ADAMTSL1: variants seen among roughly 807,000 people sequenced by gnomAD.
ADAMTSL1 encodes the protein ADAMTS like 1, also known as ADAMTS-like protein 1.
ADAMTSL1 carries 126 observed loss-of-function variants against 201.8 expected under a neutral mutation model. That is an observed-to-expected ratio of 0.62 (90% confidence interval 0.54 to 0.72). ADAMTSL1 has a LOEUF of 0.72. Among genes scored for constraint, ADAMTSL1 ranks in the 30% least tolerant of loss-of-function variants. The pLI is 0.00. For missense variants in ADAMTSL1, 2,679 were observed against 2,277.8 expected, an observed-to-expected ratio of 1.18 and a Z score of -3.59; for synonymous variants, 1,121 against 903.4, an observed-to-expected ratio of 1.24 and a Z score of -4.32.
At chr9:18,821,585 G>C (rs1244284351) in intron 21 of ADAMTSL1, among the ~76,000 whole-genome samples, 1 of 152,208 alleles carries the variant, frequency 6.6e-6, no homozygotes, top group Admixed American at 6.5e-5. Context: ...AACTGGTTTT[G>C]TGAACAGCTA....
intron 16 of ADAMTSL1, among the ~76,000 whole-genome samples, chr9:18,767,811 G>A (rs930480881): frequency 3.3e-5 from 5 of 152,208 alleles, no homozygotes; most frequent in Non-Finnish European, 7.3e-5. Context: ...AGAGCCCACA[G>A]AGTCACTGAA....
chr9:18,145,941 A>G (rs150240454), intron 1 of ADAMTSL1, among the ~76,000 whole-genome samples: 10 of 152,202 alleles, frequency 6.6e-5, no homozygotes, highest in African/African-American at 2.4e-4. Flanking sequence ...TAGACACTGC[A>G]TCAAAGAGAA....
Position 18,681,668 on chromosome 9 carries a change from G to C in ADAMTSL1, c.1342-144G>C, listed in dbSNP as rs573446891. 1.3e-4 allele frequency: 76 copies of C among 572,386 alleles called. 2 individuals are homozygous for C. The South Asian group carries it at 1.5e-3, about 11-fold the overall frequency. The allele number at this position is 572,386 out of a possible 1,614,324, so 35.5% of individuals were successfully genotyped here. A position where few individuals can be genotyped will look rare whatever the true frequency, so the allele number is the denominator to read the frequency against. On this transcript the variant is annotated intron_variant, in intron 11 of 28. Coordinates refer to ENST00000380548, the MANE Select transcript of ADAMTSL1 (RefSeq NM_001040272.6). ...ACAAAGATCCCTTGACTGGTAAGAA[G>C]TGGTATAAATTTACCAGGAGTCCTC...
chr9:18,798,975 C>G (rs181646685), intron 20 of ADAMTSL1, among the ~76,000 whole-genome samples: 1 of 151,596 alleles, frequency 6.6e-6, no homozygotes, highest in African/African-American at 2.4e-5. Flanking sequence ...TCTTCCATTA[C>G]GTGCTGATTT....
chr9:18,889,846 G>C, intron 25 of ADAMTSL1, 98 bp downstream of exon 25: 1 of 1,222,568 alleles, frequency 8.2e-7, no homozygotes, highest in Non-Finnish European at 1.1e-6. Flanking sequence ...ACTGTGCAGG[G>C]AGAGATGCCA....
chr9:18,278,538 C>G (rs796877165), intron 2 of ADAMTSL1, among the ~76,000 whole-genome samples: 10 of 152,242 alleles, frequency 6.6e-5, no homozygotes, highest in African/African-American at 2.2e-4. Flanking sequence ...TATGGAGAGT[C>G]CCTTACATGT....
intron 1 of ADAMTSL1, among the ~76,000 whole-genome samples, chr9:18,061,306 T>C (rs995534999): frequency 1.8e-4 from 27 of 152,198 alleles, no homozygotes; most frequent in Admixed American, 1.6e-3. Context: ...CGAGTAGCTT[T>C]TCTTTCACAT....
chr9:18,413,554 C>G (rs894089274), intron 2 of ADAMTSL1, among the ~76,000 whole-genome samples: 1 of 152,002 alleles, frequency 6.6e-6, no homozygotes, highest in Non-Finnish European at 1.5e-5. Context: ...GTGACTTCAA[C>G]AAAAAAATAA....
In ADAMTSL1 at chr9:18,770,869, A is replaced by C. The variant is rs532061465; in HGVS notation, c.2397+88A>C. 12 of 1,321,416 alleles carry C rather than the reference A, an allele frequency of 9.1e-6. No individual in the cohort carries two copies. In the African/African-American group the frequency reaches 1.0e-4, roughly 11 times the overall value. 81.9% of individuals were successfully genotyped at this position (1,321,416 alleles called of 1,614,324 possible). A position where few individuals can be genotyped will look rare whatever the true frequency, so the allele number is the denominator to read the frequency against. On this transcript the variant is annotated intron_variant, in intron 17 of 28. Coordinates refer to ENST00000380548, the MANE Select transcript of ADAMTSL1 (RefSeq NM_001040272.6). ...ATATACATAGAAAAGGCAAGAAGAG[A>C]ACAAAACAATCTTCCTAATATTATG...
intron 2 of ADAMTSL1, among the ~76,000 whole-genome samples, chr9:18,211,301 G>A (rs1228941007): frequency 1.3e-5 from 2 of 152,000 alleles, no homozygotes; most frequent in Non-Finnish European, 2.9e-5. Context: ...CACCCAAACA[G>A]TAAGAAATAC....
At chr9:18,238,285 A>T (rs1437963410) in intron 2 of ADAMTSL1, among the ~76,000 whole-genome samples, 2 of 152,212 alleles carry the variant, frequency 1.3e-5, no homozygotes, top group African/African-American at 4.8e-5. Context: ...AAGAATTAAA[A>T]TTCTTTCATT....
chr9:18,444,713 C>A (rs12682863), intron 2 of ADAMTSL1, among the ~76,000 whole-genome samples: 1 of 152,042 alleles, frequency 6.6e-6, no homozygotes, highest in Admixed American at 6.6e-5. Context: ...AATAGTAGTA[C>A]GAGTTAAGGC....
At chr9:18,170,770 C>T (rs539531732) in intron 2 of ADAMTSL1, among the ~76,000 whole-genome samples, 2 of 152,204 alleles carry the variant, frequency 1.3e-5, no homozygotes, top group South Asian at 4.1e-4. Flanking sequence ...CCATGCTCTG[C>T]CCTGGAGAGA....
At chr9:18,548,856 A>ATTT (rs1820628220) in intron 3 of ADAMTSL1, among the ~76,000 whole-genome samples, 1 of 152,070 alleles carries the variant, frequency 6.6e-6, no homozygotes, top group Non-Finnish European at 1.5e-5. Context: ...AAATCTAGTA[A>ATTT]TTGAAATAAA....
chr9:18,905,504 G>T (rs1305298729), intron 26 of ADAMTSL1: 3 of 427,826 alleles, frequency 7.0e-6, no homozygotes, highest in African/African-American at 6.0e-5. Context: ...TCTTTCATAT[G>T]ATTAATCTGA....
At chr9:18,779,698 G>A (rs1034996903) in intron 19 of ADAMTSL1, among the ~76,000 whole-genome samples, 1 of 152,150 alleles carries the variant, frequency 6.6e-6, no homozygotes, top group Admixed American at 6.5e-5. Flanking sequence ...TTATAACATG[G>A]TTGGAAAGAT....
At chr9:18,452,867 ACG>A (rs1422102320) in intron 2 of ADAMTSL1, among the ~76,000 whole-genome samples, 1 of 152,214 alleles carries the variant, frequency 6.6e-6, no homozygotes, top group Non-Finnish European at 1.5e-5. Context: ...CCAGCAGCTC[ACG>A]TAGGTTGGAG....
At chr9:17,937,527 A>T (rs1827061246) in intron 1 of ADAMTSL1, among the ~76,000 whole-genome samples, 6 of 152,056 alleles carry the variant, frequency 3.9e-5, no homozygotes, top group Admixed American at 3.9e-4. Flanking sequence ...GGGAAAAAAA[A>T]TGGATTCCTA....
chr9:18,532,428 A>C (rs776663809), intron 2 of ADAMTSL1, among the ~76,000 whole-genome samples: 10 of 152,194 alleles, frequency 6.6e-5, no homozygotes, highest in Non-Finnish European at 1.0e-4. Context: ...TTACCATACT[A>C]TCATTTATCA....
Sources: allele counts gnomAD v4.1 joint callset (sites outside exome capture counted in the v4.1 genomes callset), GRCh38; gene constraint gnomAD v4.1.1; transcripts MANE v1.5; gene names NCBI Gene and HGNC (gene_info 2026-07-23, HGNC 2026-07-21).